BMPR1B: variants seen among roughly 807,000 people sequenced by gnomAD.
BMPR1B encodes bone morphogenetic protein receptor type-1B.
BMPR1B carries 12 observed loss-of-function variants against 59.1 expected under a neutral mutation model. The ratio of observed to expected loss-of-function variants is 0.20; its 90% confidence interval spans 0.13 to 0.33. The LOEUF (loss-of-function observed/expected upper bound fraction) is 0.33. Ranked by LOEUF, BMPR1B falls within the 10% of genes least tolerant of loss-of-function variation. BMPR1B has a pLI of 1.00. For synonymous variants in BMPR1B, 237 were observed against 207.3 expected (o/e 1.14, Z -1.23); for missense variants, 550 against 610.9 (o/e 0.90, Z 1.05).
At chr4:94,844,179 G>A (rs113021748) in intron 1 of BMPR1B, among the ~76,000 whole-genome samples, 320 of 151,800 alleles carry the variant, frequency 2.1e-3, no homozygotes, top group African/African-American at 7.2e-3. Context: ...CACAAAAAAA[G>A]GTTAAAAAAG....
intron 3 of BMPR1B, among the ~76,000 whole-genome samples, chr4:95,031,981 T>G (rs1233299589): frequency 6.6e-6 from 1 of 152,138 alleles, no homozygotes; most frequent in African/African-American, 2.4e-5. Flanking sequence ...ATCATTTATG[T>G]TACAGTAGTA....
chr4:94,924,865 C>CA (rs1254781204), intron 2 of BMPR1B, among the ~76,000 whole-genome samples: 9 of 151,976 alleles, frequency 5.9e-5, no homozygotes, highest in African/African-American at 1.9e-4. Context: ...TGATGTGAGC[C>CA]AAAAAATCTT....
intron 1 of BMPR1B, among the ~76,000 whole-genome samples, chr4:94,843,846 GC>G (rs1281344278): frequency 1.3e-5 from 2 of 152,138 alleles, no homozygotes; most frequent in Non-Finnish European, 2.9e-5. Flanking sequence ...CTCACCTCCT[GC>G]TCTGGTCAGT....
intron 3 of BMPR1B, among the ~76,000 whole-genome samples, chr4:95,086,831 C>T (rs193183342): frequency 6.6e-6 from 1 of 152,242 alleles, no homozygotes; most frequent in East Asian, 1.9e-4. Flanking sequence ...CCTGTGTGTT[C>T]TCTTTGCTAA....
intron 2 of BMPR1B, among the ~76,000 whole-genome samples, chr4:94,928,642 A>G (rs1728981857): frequency 6.6e-6 from 1 of 151,984 alleles, no homozygotes; most frequent in African/African-American, 2.4e-5. Flanking sequence ...CTAGATGCTA[A>G]TGTGAATAAA....
intron 3 of BMPR1B, among the ~76,000 whole-genome samples, chr4:95,062,189 G>A (rs1462879883): frequency 6.6e-6 from 1 of 151,904 alleles, no homozygotes; most frequent in African/African-American, 2.4e-5. Context: ...TACCACAGGA[G>A]CATTTTATTT....
At chr4:95,153,598 C>T (rs938870940) in intron 12 of BMPR1B, among the ~76,000 whole-genome samples, 7 of 152,154 alleles carry the variant, frequency 4.6e-5, no homozygotes, top group Admixed American at 2.0e-4. Flanking sequence ...TCTGTAATCC[C>T]GGCACTTTGG....
intron 2 of BMPR1B, among the ~76,000 whole-genome samples, chr4:94,926,291 G>A (rs1010501126): frequency 1.4e-4 from 22 of 151,928 alleles, no homozygotes; most frequent in African/African-American, 4.1e-4. Flanking sequence ...TATAGGTTTC[G>A]CAAATTTTGT....
chr4:94,763,576 GA>G (rs1239365401), intron 1 of BMPR1B, among the ~76,000 whole-genome samples: 1 of 152,180 alleles, frequency 6.6e-6, no homozygotes, highest in African/African-American at 2.4e-5. Context: ...GGAAAAAAAA[GA>G]TACAATCCAG....
chr4:94,864,311 A>G (rs1726117250), intron 1 of BMPR1B, among the ~76,000 whole-genome samples: 1 of 152,148 alleles, frequency 6.6e-6, no homozygotes, highest in Non-Finnish European at 1.5e-5. Flanking sequence ...GGTGGGAGAT[A>G]ATGGTAGCAG....
chr4:94,953,110 T>C (rs1405470315), intron 2 of BMPR1B, among the ~76,000 whole-genome samples: 3 of 152,140 alleles, frequency 2.0e-5, no homozygotes, highest in Non-Finnish European at 2.9e-5. Flanking sequence ...TTCCATTTGC[T>C]TGGTAGATCT....
chr4:94,806,270 A>G (rs1723601428), intron 1 of BMPR1B, among the ~76,000 whole-genome samples: 1 of 152,176 alleles, frequency 6.6e-6, no homozygotes, highest in Non-Finnish European at 1.5e-5. Context: ...AGTTTTCTGC[A>G]TGTCAGGCCC....
chr4:95,132,635 C>G (rs1224762718), intron 10 of BMPR1B, among the ~76,000 whole-genome samples: 2 of 151,290 alleles, frequency 1.3e-5, no homozygotes, highest in Admixed American at 6.6e-5. Context: ...TTCCTCTGAC[C>G]TACAACCCTT....
At chr4:94,873,563 T>C (rs928890419) in intron 1 of BMPR1B, among the ~76,000 whole-genome samples, 3 of 152,000 alleles carry the variant, frequency 2.0e-5, no homozygotes, top group Non-Finnish European at 4.4e-5. Context: ...TGCGCCACCA[T>C]GCCCAGCTAA....
At chr4:95,071,133 A>G (rs1728249209) in intron 3 of BMPR1B, among the ~76,000 whole-genome samples, 1 of 152,152 alleles carries the variant, frequency 6.6e-6, no homozygotes. Context: ...CACGTTTTTC[A>G]TGTATTCTGA....
intron 3 of BMPR1B, among the ~76,000 whole-genome samples, chr4:94,999,385 A>G (rs895394163): frequency 6.6e-6 from 1 of 152,000 alleles, no homozygotes; most frequent in Non-Finnish European, 1.5e-5. Flanking sequence ...TAATAATTAA[A>G]AAATTATTTT....
intron 1 of BMPR1B, among the ~76,000 whole-genome samples, chr4:94,794,729 C>T (rs1190222672): frequency 6.6e-6 from 1 of 151,878 alleles, no homozygotes; most frequent in Non-Finnish European, 1.5e-5. Flanking sequence ...TGAAGAGGTC[C>T]TTCACATCCC....
At chr4:95,096,145 T>TGTA (rs1302926653) in intron 3 of BMPR1B, among the ~76,000 whole-genome samples, 1 of 151,252 alleles carries the variant, frequency 6.6e-6, no homozygotes, top group Non-Finnish European at 1.5e-5. Flanking sequence ...TTATATACAT[T>TGTA]AAAGAAGTTA....
intron 10 of BMPR1B, among the ~76,000 whole-genome samples, chr4:95,142,049 G>A (rs1017398556): frequency 2.9e-4 from 44 of 152,186 alleles, no homozygotes; most frequent in African/African-American, 1.1e-3. Context: ...CCCAGTCAAG[G>A]TTTCTGCAAC....
Sources: allele counts gnomAD v4.1 joint callset (sites outside exome capture counted in the v4.1 genomes callset), GRCh38; gene constraint gnomAD v4.1.1; transcripts MANE v1.5; gene names NCBI Gene and HGNC (gene_info 2026-07-23, HGNC 2026-07-21).